Variants in CDH18 observed in about 807,000 individuals in gnomAD.
CDH18 encodes the protein cadherin 18.
In CDH18, 31 loss-of-function variants were observed where a neutral mutation model predicts 67.9. That is an observed-to-expected ratio of 0.46 (90% CI 0.34 to 0.62). The LOEUF (loss-of-function observed/expected upper bound fraction) is 0.62, where lower values mean the gene tolerates loss of function less well. Among genes scored for constraint, CDH18 ranks in the 20% least tolerant of loss-of-function variants. CDH18 has a pLI of 0.01. For synonymous variants in CDH18, 362 were observed against 347.2 expected (o/e 1.04, Z -0.48); for missense variants, 890 against 975.5 (o/e 0.91, Z 1.17).
chr5:20,451,990 G>T (rs1750487899), intron 1 of CDH18, among the ~76,000 whole-genome samples: 1 of 152,060 alleles, frequency 6.6e-6, no homozygotes, highest in Non-Finnish European at 1.5e-5. Flanking sequence ...AGAAAACCAT[G>T]TAAAGAAATT....
chr5:20,099,007 G>T (rs1322288985), intron 2 of CDH18, among the ~76,000 whole-genome samples: 4 of 152,108 alleles, frequency 2.6e-5, no homozygotes, highest in Non-Finnish European at 5.9e-5. Context: ...CTTTGAAAAT[G>T]ACAAAGCAAC....
Position 19,546,495 on chromosome 5 carries a change from T to C in CDH18, c.1254-2490A>G, listed in dbSNP as rs1020541540. ...GGGGAACAGATATAGAAATTTCCCA[T>C]TGAAAGTAACAGGGATGCTTCTTCC... On this transcript the variant is annotated intron_variant, in intron 8 of 12. Coordinates refer to ENST00000382275, the MANE Select transcript of CDH18 (RefSeq NM_004934.5). Among the ~76,000 whole-genome samples the C allele has an allele frequency of 3.3e-5, 5 of 152,192 alleles. No individual in the cohort carries two copies. The East Asian group carries it at 7.7e-4, about 23-fold the overall frequency.
chr5:20,313,932 G>A (rs893346506), intron 1 of CDH18, among the ~76,000 whole-genome samples: 4 of 151,900 alleles, frequency 2.6e-5, no homozygotes, highest in African/African-American at 9.7e-5. Flanking sequence ...GCCAAAATAC[G>A]AGTTACATAT....
At chr5:20,150,738 T>C (rs1024545868) in intron 2 of CDH18, among the ~76,000 whole-genome samples, 1 of 152,104 alleles carries the variant, frequency 6.6e-6, no homozygotes, top group East Asian at 1.9e-4. Flanking sequence ...AGATCCATTA[T>C]GTTTTTCTAT....
intron 1 of CDH18, among the ~76,000 whole-genome samples, chr5:20,430,610 T>C (rs55758216): frequency 0.22 from 33,522 of 152,080 alleles, 3,871 homozygotes; most frequent in East Asian, 0.3. Flanking sequence ...AGAAGCAAAG[T>C]GGTATTTTCT....
intron 5 of CDH18, among the ~76,000 whole-genome samples, chr5:19,635,027 C>A (rs1752944704): frequency 6.6e-6 from 1 of 151,732 alleles, no homozygotes; most frequent in Admixed American, 6.6e-5. Flanking sequence ...AATTTCCTAA[C>A]ATAACCTTAT....
chr5:20,290,501 A>G (rs932430297), intron 1 of CDH18, among the ~76,000 whole-genome samples: 9 of 152,196 alleles, frequency 5.9e-5, no homozygotes, highest in African/African-American at 2.2e-4. Context: ...TGAATAAAGC[A>G]TAATCCCTAC....
At chr5:19,956,725 T>C (rs73061511) in intron 2 of CDH18, among the ~76,000 whole-genome samples, 7,281 of 151,972 alleles carry the variant, frequency 0.048, 456 homozygotes, top group African/African-American at 0.14. Flanking sequence ...TATATTTTAC[T>C]TCTTAAAGTA....
intron 2 of CDH18, among the ~76,000 whole-genome samples, chr5:19,963,049 C>A (rs1425838207): frequency 6.6e-6 from 1 of 151,900 alleles, no homozygotes; most frequent in Non-Finnish European, 1.5e-5. Flanking sequence ...ATAATCATTG[C>A]TAACAAGAGA....
Position 20,205,873 on chromosome 5 carries a change from A to G in CDH18, c.-518+49571T>C, listed in dbSNP as rs1216149892. Among the ~76,000 whole-genome samples the G allele has an allele frequency of 2.6e-5, 4 of 151,872 alleles. No homozygotes were observed. The East Asian group carries it at 7.7e-4, about 29-fold the overall frequency. ...AAGCAGTACTAAGAGGGAAGTTTAT[A>G]ACAATAAATATCTATACCAAAAAAG... On this transcript the variant is annotated intron_variant, in intron 2 of 14. Transcript: ENST00000507958.
intron 1 of CDH18, among the ~76,000 whole-genome samples, chr5:20,394,984 G>A (rs1745167191): frequency 6.6e-6 from 1 of 152,026 alleles, no homozygotes; most frequent in Admixed American, 6.6e-5. Context: ...ACTTATACAT[G>A]GCTGTTAGGA....
At chr5:20,441,822 C>A (rs1045943813) in intron 1 of CDH18, among the ~76,000 whole-genome samples, 3 of 151,670 alleles carry the variant, frequency 2.0e-5, no homozygotes, top group African/African-American at 7.3e-5. Flanking sequence ...ACTTACATTG[C>A]CAAATGAATT....
intron 2 of CDH18, among the ~76,000 whole-genome samples, chr5:20,084,109 C>T (rs922805606): frequency 1.1e-4 from 17 of 152,174 alleles, no homozygotes; most frequent in Admixed American, 2.6e-4. Context: ...AGGCAAGTCC[C>T]TTCCACCTAT....
At chr5:20,514,702 G>A (rs1349543288) in intron 1 of CDH18, among the ~76,000 whole-genome samples, 5 of 151,988 alleles carry the variant, frequency 3.3e-5, no homozygotes, top group Admixed American at 1.3e-4. Flanking sequence ...AACATCCTGC[G>A]ACTTATGCTG....
intron 2 of CDH18, among the ~76,000 whole-genome samples, chr5:19,935,740 T>G (rs775202467): frequency 2.0e-5 from 3 of 150,554 alleles, no homozygotes; most frequent in Non-Finnish European, 3.0e-5. Context: ...AAATAAAGAA[T>G]CTTAATGTAT....
intron 2 of CDH18, among the ~76,000 whole-genome samples, chr5:20,148,154 C>T (rs181594476): frequency 6.6e-6 from 1 of 150,484 alleles, no homozygotes; most frequent in Non-Finnish European, 1.5e-5. Context: ...TGTAGCGGTG[C>T]GATCTTGGCT....
At chr5:19,540,929 T>A (rs985965318) in intron 9 of CDH18, among the ~76,000 whole-genome samples, 39 of 152,308 alleles carry the variant, frequency 2.6e-4, no homozygotes, top group South Asian at 2.1e-4. Context: ...CTTATCCAAA[T>A]TTCTGCAGCA....
intron 1 of CDH18, among the ~76,000 whole-genome samples, chr5:20,560,017 C>G (rs762100245): frequency 1.2e-4 from 19 of 152,094 alleles, no homozygotes; most frequent in Admixed American, 7.2e-4. Flanking sequence ...CTGCAAATGA[C>G]TTTATTGACC....
chr5:19,908,926 G>T (rs1445353343), intron 2 of CDH18, among the ~76,000 whole-genome samples: 1 of 152,132 alleles, frequency 6.6e-6, no homozygotes, highest in Non-Finnish European at 1.5e-5. Context: ...CAGTGCAGTG[G>T]ATAAGAGCCA....
Sources: gnomAD v4.1 joint callset for allele counts (sites outside exome capture counted in the v4.1 genomes callset) on GRCh38, gnomAD v4.1.1 for gene constraint, MANE v1.5 for transcripts, NCBI Gene and HGNC (gene_info 2026-07-23, HGNC 2026-07-21) for gene names.